Variants in CDH13 observed in about 807,000 individuals in gnomAD.
The protein encoded by CDH13 is cadherin 13.
Under a neutral mutation model 63.8 loss-of-function variants are expected in CDH13, and 24 were observed. The observed-to-expected ratio is 0.38, with a 90% CI of 0.27 to 0.53. The LOEUF (loss-of-function observed/expected upper bound fraction) is 0.53, where lower values mean the gene tolerates loss of function less well. Among genes scored for constraint, CDH13 ranks in the 20% least tolerant of loss-of-function variants. The pLI, the probability that CDH13 is intolerant of heterozygous loss-of-function variation, is 0.85. For synonymous variants in CDH13, 503 were observed against 355.3 expected (o/e 1.42, Z -4.67); for missense variants, 1,049 against 903.1 (o/e 1.16, Z -2.07).
intron 10 of CDH13, among the ~76,000 whole-genome samples, chr16:83,713,101 A>C (rs951595486): frequency 3.9e-5 from 6 of 152,220 alleles, no homozygotes; most frequent in Non-Finnish European, 7.3e-5. Flanking sequence ...GCCAGTAGCT[A>C]GGGAGCTGTG....
At chr16:83,513,664 C>G (rs746052764) in intron 7 of CDH13, among the ~76,000 whole-genome samples, 2 of 152,124 alleles carry the variant, frequency 1.3e-5, no homozygotes, top group Non-Finnish European at 1.5e-5. Context: ...CTTGAAAACT[C>G]ATTCACTATC....
At chr16:82,641,152 A>C (rs1909345438) in intron 1 of CDH13, among the ~76,000 whole-genome samples, 1 of 152,134 alleles carries the variant, frequency 6.6e-6, no homozygotes, top group African/African-American at 2.4e-5. Flanking sequence ...CTCATTTCCG[A>C]ATGGTCCCTC....
chr16:83,555,357 T>G (rs1171070715), intron 7 of CDH13, among the ~76,000 whole-genome samples: 5 of 152,226 alleles, frequency 3.3e-5, no homozygotes, highest in Admixed American at 3.3e-4. Context: ...ACCAAGACCC[T>G]GCCTGCCCCA....
chr16:83,430,342 A>T (rs1169376771), intron 6 of CDH13, among the ~76,000 whole-genome samples: 1 of 152,248 alleles, frequency 6.6e-6, no homozygotes, highest in Non-Finnish European at 1.5e-5. Context: ...ACTCCCACAC[A>T]GCATTGAAGA....
Position 83,093,664 on chromosome 16 carries a change from G to T in CDH13, c.367-31721G>T, listed in dbSNP as rs763239684. The stretch of plus-strand genomic sequence containing the variant: ...TGCTAATTTATTTCAAACAATATGG[G>T]AATCAGTTCAAAGCACATAGTCTCT... On this transcript the variant is annotated intron_variant, in intron 3 of 13. Coordinates refer to ENST00000567109, the MANE Select transcript of CDH13 (RefSeq NM_001257.5). Among the ~76,000 whole-genome samples, 28 of 152,064 alleles carry T rather than the reference G, an allele frequency of 1.8e-4. 1 individual carries two copies. The highest frequency in any genetic ancestry group is 3.3e-4 in the Admixed American group (5 of 15,262).
intron 2 of CDH13, among the ~76,000 whole-genome samples, chr16:82,866,827 C>G (rs2040165962): frequency 6.6e-6 from 1 of 152,150 alleles, no homozygotes; most frequent in African/African-American, 2.4e-5. Flanking sequence ...ATAAAACCAT[C>G]AGTTCTCGTG....
chr16:83,148,115 T>C (rs1473236078), intron 4 of CDH13, among the ~76,000 whole-genome samples: 1 of 152,176 alleles, frequency 6.6e-6, no homozygotes, highest in Admixed American at 6.5e-5. Flanking sequence ...TTTTTGTATT[T>C]TTAGTAGGCA....
chr16:83,572,175 G>GGTGTGT (rs71148844), intron 7 of CDH13, among the ~76,000 whole-genome samples: 9,079 of 145,590 alleles, frequency 0.062, 328 homozygotes, highest in Non-Finnish European at 0.083. Flanking sequence ...ACTTTCCTGT[G>GGTGTGT]GTGTGTGTGT....
intron 7 of CDH13, among the ~76,000 whole-genome samples, chr16:83,565,838 C>G (rs1208978781): frequency 6.6e-6 from 1 of 150,870 alleles, no homozygotes; most frequent in Non-Finnish European, 1.5e-5. Flanking sequence ...TTATTATTTT[C>G]TGATAACTTA....
chr16:82,740,481 C>T (rs951143860), intron 1 of CDH13, among the ~76,000 whole-genome samples: 8 of 152,152 alleles, frequency 5.3e-5, no homozygotes, highest in Non-Finnish European at 7.4e-5. Context: ...GCCAGTGTAT[C>T]GGTTAGCCGT....
chr16:82,835,655 C>T (rs181895665), intron 1 of CDH13, among the ~76,000 whole-genome samples: 16 of 152,186 alleles, frequency 1.1e-4, no homozygotes, highest in Non-Finnish European at 1.6e-4. Context: ...AATGCTCTGT[C>T]CCTCCACAGG....
At chr16:83,191,504 T>TATATATATATATGCACATATATATATAC (rs1555510518) in intron 4 of CDH13, among the ~76,000 whole-genome samples, 1 of 93,812 alleles carries the variant, frequency 1.1e-5, no homozygotes, top group Non-Finnish European at 2.0e-5. Context: ...TATATATATA[T>TATATATATATATGCACATATATATATAC]ACACACACAC....
At chr16:82,884,512 G>A (rs1053782911) in intron 2 of CDH13, 34 of 226,314 alleles carry the variant, frequency 1.5e-4, no homozygotes, top group Admixed American at 3.5e-4. Flanking sequence ...GTAAGCCAGG[G>A]GACACAGGAG....
intron 2 of CDH13, among the ~76,000 whole-genome samples, chr16:82,872,619 C>T (rs2040379543): frequency 6.6e-6 from 1 of 152,176 alleles, no homozygotes; most frequent in African/African-American, 2.4e-5. Flanking sequence ...TAGAGGTGCC[C>T]TCTATTTGTT....
chr16:83,101,136 T>C (rs909121917), intron 3 of CDH13, among the ~76,000 whole-genome samples: 5 of 151,994 alleles, frequency 3.3e-5, no homozygotes, highest in Admixed American at 1.3e-4. Flanking sequence ...TCCCTGCATT[T>C]ATGGGGCTTA....
At chr16:83,356,211 CATGTGTGTGTGTGTGTGTGT>C (rs1567613710) in intron 6 of CDH13, among the ~76,000 whole-genome samples, 2 of 60,722 alleles carry the variant, frequency 3.3e-5, no homozygotes, top group East Asian at 9.1e-4. Flanking sequence ...TATTTATTTT[CATGTGTGTGTGTGTGTGTGT>C]GTGTGTGTGT....
At chr16:83,633,162 C>G (rs1279421648) in intron 8 of CDH13, among the ~76,000 whole-genome samples, 1 of 151,818 alleles carries the variant, frequency 6.6e-6, no homozygotes, top group Non-Finnish European at 1.5e-5. Context: ...TGCTGACCTC[C>G]TATCTCATCC....
chr16:83,124,901 T>C (rs111329878), intron 3 of CDH13, among the ~76,000 whole-genome samples: 7 of 152,350 alleles, frequency 4.6e-5, no homozygotes, highest in African/African-American at 1.7e-4. Flanking sequence ...ACCAGTACCA[T>C]CCTGTTTTGG....
intron 7 of CDH13, among the ~76,000 whole-genome samples, chr16:83,491,067 A>T (rs768983022): frequency 1.1e-4 from 17 of 152,254 alleles, no homozygotes; most frequent in Non-Finnish European, 2.2e-4. Context: ...CAGGATCCAC[A>T]TTCTGGCATG....
Sources: allele counts gnomAD v4.1 joint callset (sites outside exome capture counted in the v4.1 genomes callset), GRCh38; gene constraint gnomAD v4.1.1; transcripts MANE v1.5; gene names NCBI Gene and HGNC (gene_info 2026-07-23, HGNC 2026-07-21).